The following MCPH1 variants were observed in gnomAD, a reference collection of about 807,000 sequenced individuals.
The protein encoded by MCPH1 is microcephalin.
MCPH1 carries 104 observed loss-of-function variants against 84.5 expected under a neutral mutation model. The ratio of observed to expected loss-of-function variants is 1.23; its 90% CI spans 1.05 to 1.45. The LOEUF (loss-of-function observed/expected upper bound fraction) is 1.45. MCPH1 is among the 40% of genes most tolerant of loss of function. MCPH1 has a pLI of 0.00. For synonymous variants in MCPH1, 514 were observed against 366.8 expected (o/e 1.40, Z -4.58); for missense variants, 1,498 against 1,005.7 (o/e 1.49, Z -6.62).
At chr8:6,541,451 C>G (rs1274106582) in intron 12 of MCPH1, among the ~76,000 whole-genome samples, 28 of 152,096 alleles carry the variant, frequency 1.8e-4, no homozygotes. Flanking sequence ...GACAATATTT[C>G]TAGTAGATTG....
At chr8:6,428,754 C>A (rs1421218453) in intron 3 of MCPH1, among the ~76,000 whole-genome samples, 2 of 152,194 alleles carry the variant, frequency 1.3e-5, no homozygotes, top group Non-Finnish European at 2.9e-5. Context: ...CGCACACACA[C>A]ACACACACAC....
intron 12 of MCPH1, among the ~76,000 whole-genome samples, chr8:6,523,820 T>A (rs2129569936): frequency 6.6e-6 from 1 of 152,026 alleles, no homozygotes; most frequent in African/African-American, 2.4e-5. Flanking sequence ...AACTCCTGAC[T>A]TCCTGATTCG....
At chr8:6,464,131 C>G (rs1806581757) in intron 9 of MCPH1, among the ~76,000 whole-genome samples, 1 of 152,212 alleles carries the variant, frequency 6.6e-6, no homozygotes, top group Non-Finnish European at 1.5e-5. Context: ...AAGATAGGCC[C>G]TTTAGTGCCG....
intron 9 of MCPH1, among the ~76,000 whole-genome samples, chr8:6,474,956 A>T (rs187658246): frequency 5.3e-5 from 8 of 152,350 alleles, no homozygotes; most frequent in African/African-American, 1.9e-4. Flanking sequence ...GTGAACTTGA[A>T]TTCTTAAAAC....
Position 6,445,094 on chromosome 8 carries a change from A to T in MCPH1, c.1372A>T (p.Met458Leu). The T allele has an allele frequency of 6.2e-7, 1 of 1,614,264 alleles. No homozygotes were observed. Among genetic ancestry groups the T allele is most frequent in the Non-Finnish European group, 8.5e-7 (1 of 1,180,048 alleles). ...SKKERTSIFE[M>L]SDFSCVGKKT... ...GAAGGAGAGAACAAGCATATTTGAAATGTCTGATTTTTCCTGCGTTGGCAA... is the reference window on the plus strand; with the variant it reads ...GAAGGAGAGAACAAGCATATTTGAATTGTCTGATTTTTCCTGCGTTGGCAA... The change falls in exon 8 of 14, where the codon ATG (methionine) becomes TTG (leucine). Residue 458 changes from methionine to leucine, a missense_variant. Coordinates refer to ENST00000344683, the MANE Select transcript of MCPH1 (RefSeq NM_024596.5).
At chr8:6,602,236 G>A (rs112943775) in intron 12 of MCPH1, among the ~76,000 whole-genome samples, 5,606 of 152,304 alleles carry the variant, frequency 0.037, 358 homozygotes, top group African/African-American at 0.13. Flanking sequence ...CAGCCCGTGG[G>A]GAGCCTTAAG....
chr8:6,576,498 T>TCCCTTC (rs143775843), intron 12 of MCPH1, among the ~76,000 whole-genome samples: 3,097 of 139,792 alleles, frequency 0.022, 84 homozygotes, highest in East Asian at 0.059. Context: ...CTTTTCCCTT[T>TCCCTTC]CCCTTCCCCT....
chr8:6,467,841 A>T (rs146503331), intron 9 of MCPH1, among the ~76,000 whole-genome samples: 2 of 151,888 alleles, frequency 1.3e-5, no homozygotes, highest in East Asian at 3.9e-4. Flanking sequence ...CAAACCATCC[A>T]CTCGCCTGGG....
chr8:6,634,917 G>A (rs1313794690), intron 13 of MCPH1: 2 of 152,232 alleles, frequency 1.3e-5, no homozygotes, highest in African/African-American at 4.8e-5. Context: ...GAACGGAGGT[G>A]TAGGTGTAGA....
At chr8:6,513,861 TAA>T in intron 12 of MCPH1, 1 of 1,589,014 alleles carries the variant, frequency 6.3e-7, no homozygotes, top group Non-Finnish European at 8.6e-7. Context: ...TGCAAGTTGT[TAA>T]ATTCAATTAT....
At chr8:6,603,718 T>C (rs1310657747) in intron 12 of MCPH1, among the ~76,000 whole-genome samples, 3 of 152,246 alleles carry the variant, frequency 2.0e-5, no homozygotes, top group Non-Finnish European at 2.9e-5. Context: ...AGAAAGTAGG[T>C]TGTGCAAGGT....
At chr8:6,560,487 T>C (rs1257188836) in intron 12 of MCPH1, among the ~76,000 whole-genome samples, 6 of 152,186 alleles carry the variant, frequency 3.9e-5, no homozygotes, top group Admixed American at 3.9e-4. Flanking sequence ...CTTTGCTTTT[T>C]TGTTTTCATT....
intron 11 of MCPH1, among the ~76,000 whole-genome samples, chr8:6,495,871 G>A (rs959595285): frequency 6.6e-6 from 1 of 152,106 alleles, no homozygotes; most frequent in Admixed American, 6.5e-5. Context: ...TATGGCTTAC[G>A]ACTGTGGGAC....
Position 6,445,128 on chromosome 8 carries a change from G to T in MCPH1, c.1406G>T (p.Arg469Ile), listed in dbSNP as rs1401577916. ...SDFSCVGKKT[R>I]TVDITNFTAK... ...TTTTCCTGCGTTGGCAAAAAAACCA[G>T]AACAGTTGACATTACCAATTTCACA... Residue 469 changes from arginine (R) to isoleucine (I), a missense_variant, in exon 8 of 14, where the codon AGA (arginine) becomes ATA (isoleucine). Transcript: ENST00000344683. The T allele has an allele frequency of 1.2e-6, 2 of 1,614,126 alleles. No individual in the cohort carries two copies. Among genetic ancestry groups the T allele is most frequent in the African/African-American group, 1.3e-5 (1 of 74,940 alleles).
At chr8:6,612,596 C>A (rs1352652787) in intron 12 of MCPH1, among the ~76,000 whole-genome samples, 1 of 152,242 alleles carries the variant, frequency 6.6e-6, no homozygotes, top group East Asian at 1.9e-4. Context: ...CTGCGTCCGG[C>A]ACCGCTGGTT....
At chr8:6,407,932 A>G (rs1797974539) in intron 1 of MCPH1, among the ~76,000 whole-genome samples, 2 of 152,218 alleles carry the variant, frequency 1.3e-5, no homozygotes, top group South Asian at 4.1e-4. Flanking sequence ...TTCCTTCTCC[A>G]TAAATAAAGT....
intron 12 of MCPH1, among the ~76,000 whole-genome samples, chr8:6,586,336 G>C (rs1157203081): frequency 1.3e-5 from 2 of 152,308 alleles, no homozygotes; most frequent in Admixed American, 6.5e-5. Flanking sequence ...ACTCAGGGAA[G>C]CTAGTCTTGC....
intron 12 of MCPH1, chr8:6,502,156 G>C (rs931977106): frequency 1.3e-5 from 2 of 152,056 alleles, no homozygotes; most frequent in African/African-American, 4.8e-5. Flanking sequence ...AGATAGTAAA[G>C]TTTCTTTGTC....
At chr8:6,442,249 G>C in intron 7 of MCPH1, 93 bp downstream of exon 7, 1 of 767,710 alleles carries the variant, frequency 1.3e-6, no homozygotes, top group Non-Finnish European at 2.2e-6. Context: ...CTTCTGATGA[G>C]TAAAATAATT....
Sources: gnomAD v4.1 joint callset for allele counts (sites outside exome capture counted in the v4.1 genomes callset) on GRCh38, gnomAD v4.1.1 for gene constraint, MANE v1.5 for transcripts, NCBI Gene and HGNC (gene_info 2026-07-23, HGNC 2026-07-21) for gene names.